GAD2: variants seen among roughly 807,000 people sequenced by gnomAD.
The protein encoded by GAD2 is glutamate decarboxylase 2, also known as 65 kDa glutamic acid decarboxylase.
Under a neutral mutation model 80.1 loss-of-function variants are expected in GAD2, and 22 were observed. The observed-to-expected ratio is 0.27, with a 90% CI of 0.20 to 0.39. GAD2 has a LOEUF of 0.39. Ranked by LOEUF, GAD2 falls within the 10% of genes least tolerant of loss-of-function variation. The pLI is 1.00. For missense variants in GAD2, 624 were observed against 738.4 expected (o/e 0.85, Z 1.80); for synonymous variants, 274 against 256.9 (o/e 1.07, Z -0.64).
chr10:26,286,818 T>TA (rs1845338592), intron 13 of GAD2, among the ~76,000 whole-genome samples: 1 of 152,220 alleles, frequency 6.6e-6, no homozygotes, highest in African/African-American at 2.4e-5. Context: ...ACTTGGTTTT[T>TA]ACCCAGTGAT....
intron 8 of GAD2, among the ~76,000 whole-genome samples, chr10:26,246,843 G>A (rs1844816641): frequency 6.6e-6 from 1 of 152,178 alleles, no homozygotes; most frequent in African/African-American, 2.4e-5. Flanking sequence ...TTTGAACTTT[G>A]AGAAGACCTA....
chr10:26,248,860 A>G (rs1314742165), intron 8 of GAD2, among the ~76,000 whole-genome samples: 1 of 152,218 alleles, frequency 6.6e-6, no homozygotes, highest in Admixed American at 6.5e-5. Context: ...AGCTAAAGTT[A>G]GAATTTAAGC....
chr10:26,271,759 CTCTTTTT>C (rs1466602879), intron 10 of GAD2, among the ~76,000 whole-genome samples: 7 of 151,584 alleles, frequency 4.6e-5, no homozygotes, highest in South Asian at 2.1e-4. Flanking sequence ...CAAATTAATG[CTCTTTTT>C]TTTTTCTTTT....
At chr10:26,231,855 C>T (rs1322761225) in intron 7 of GAD2, among the ~76,000 whole-genome samples, 3 of 152,166 alleles carry the variant, frequency 2.0e-5, no homozygotes, top group Admixed American at 6.5e-5. Context: ...CTTTCTCTCT[C>T]TCTCACCTCT....
chr10:26,304,523 T>G lies in GAD2; in HGVS notation c.*3562T>G, dbSNP rs1271455109. ...ATCCAAGTATTTTATCTGTGTTGTC[T>G]CTCTAAACCCAAATAAATGTGTAAA... On this transcript the variant is annotated 3_prime_UTR_variant, in exon 16 of 16. Transcript: ENST00000376261. 6.6e-6 allele frequency: 1 copy of G among 152,664 alleles called. No individual in the cohort carries two copies. The highest frequency in any genetic ancestry group is 6.5e-5 in the Admixed American group (1 of 15,286). 9.5% of individuals were successfully genotyped at this position (152,664 alleles called of 1,614,324 possible).
At chr10:26,237,282 C>A (rs887109518) in intron 7 of GAD2, among the ~76,000 whole-genome samples, 13 of 152,120 alleles carry the variant, frequency 8.5e-5, no homozygotes, top group African/African-American at 2.9e-4. Context: ...TTATTGTTCT[C>A]CAGGTTAGTG....
rs1357832998 is a variant in GAD2, at chr10:26,270,770, A to C, written c.1092+14A>C. 6.6e-7 allele frequency: 1 copy of C among 1,517,742 alleles called. No homozygotes were observed. Among genetic ancestry groups the C allele is most frequent in the Non-Finnish European group, 9.2e-7 (1 of 1,091,992 alleles). The allele number at this position is 1,517,742 out of a possible 1,614,324, so 94.0% of individuals were successfully genotyped here. The stretch of plus-strand genomic sequence containing the variant: ...ATGCATGTGGATGTAAGTATCCCTT[A>C]GGGACTGGCCACTAAAACGTCCTTG... On this transcript the variant is annotated intron_variant, in intron 10 of 15. Transcript: ENST00000376261.
intron 13 of GAD2, among the ~76,000 whole-genome samples, chr10:26,290,668 A>AAAGC (rs1365374722): frequency 1.3e-5 from 2 of 152,188 alleles, no homozygotes; most frequent in African/African-American, 4.8e-5. Flanking sequence ...AATGTTTATA[A>AAAGC]AAGCATTTCA....
At chr10:26,245,530 C>T (rs1232123653) in intron 7 of GAD2, among the ~76,000 whole-genome samples, 2 of 152,002 alleles carry the variant, frequency 1.3e-5, no homozygotes, top group Middle Eastern at 6.8e-3. Context: ...CTCCGCCTCC[C>T]GAATTCAAGC....
At position 26,292,572 on chromosome 10, in the gene GAD2, G is replaced by T; in HGVS notation, c.1494G>T (p.Lys498Asn). ...GATATGAGATGGTGTTTGATGGGAA[G>T]GTATGTATTTGGATTTCTACAATCT... is the stretch of plus-strand genomic sequence containing the variant. Reference protein sequence around the residue: ...REGYEMVFDGKPQHTNVCFWY... With the variant: ...REGYEMVFDGNPQHTNVCFWY... The change falls in exon 14 of 16, where the codon AAG becomes AAT. Residue 498 changes from lysine to asparagine, a missense_variant and splice_region_variant. Transcript: ENST00000376261. 1 of 1,603,330 alleles carries T rather than the reference G, an allele frequency of 6.2e-7. No homozygotes were observed. Among genetic ancestry groups the T allele is most frequent in the East Asian group, 2.2e-5 (1 of 44,794 alleles).
chr10:26,234,448 C>T (rs1472241136), intron 7 of GAD2, among the ~76,000 whole-genome samples: 1 of 152,104 alleles, frequency 6.6e-6, no homozygotes, highest in South Asian at 2.1e-4. Context: ...GAGCAAGATT[C>T]GAAGCCTCAG....
chr10:26,261,506 A>C (rs925288730), intron 8 of GAD2, among the ~76,000 whole-genome samples: 1 of 152,188 alleles, frequency 6.6e-6, no homozygotes, highest in Non-Finnish European at 1.5e-5. Context: ...AGAACTATCC[A>C]GGTGAAGCTA....
intron 4 of GAD2, among the ~76,000 whole-genome samples, chr10:26,219,537 A>G (rs2132269240): frequency 6.6e-6 from 1 of 152,330 alleles, no homozygotes; most frequent in East Asian, 1.9e-4. Flanking sequence ...ATGTATTTGG[A>G]CACGGAGGTT....
At position 26,222,151 on chromosome 10, in the gene GAD2, T is replaced by C. The variant is rs1589136404; in HGVS notation, c.521-1736T>C. Among the ~76,000 whole-genome samples, 4 of 151,956 alleles carry C rather than the reference T, an allele frequency of 2.6e-5. 1 individual carries two copies. Among genetic ancestry groups the C allele is most frequent in the South Asian group, 4.1e-4 (2 of 4,826 alleles). ...AATGGCAGAGCAAGGTCAAAATATA[T>C]ATAGGGAGGAAGGGAAACCTAGCAA... On this transcript the variant is annotated intron_variant, in intron 4 of 15. Transcript: ENST00000376261.
At chr10:26,221,089 T>C (rs1844446747) in intron 4 of GAD2, among the ~76,000 whole-genome samples, 1 of 152,230 alleles carries the variant, frequency 6.6e-6, no homozygotes, top group South Asian at 2.1e-4. Context: ...TCAAATAGCA[T>C]TTCAAAAAAT....
intron 8 of GAD2, among the ~76,000 whole-genome samples, chr10:26,259,705 C>T (rs1057454616): frequency 6.6e-6 from 1 of 152,024 alleles, no homozygotes; most frequent in African/African-American, 2.4e-5. Flanking sequence ...GTTTTTAATG[C>T]TCATGAAGTC....
chr10:26,234,535 A>T (rs1844646773), intron 7 of GAD2, among the ~76,000 whole-genome samples: 1 of 152,180 alleles, frequency 6.6e-6, no homozygotes, highest in Non-Finnish European at 1.5e-5. Flanking sequence ...TTGAAAAATC[A>T]TTCCTTTGAT....
intron 3 of GAD2, among the ~76,000 whole-genome samples, chr10:26,218,551 T>TCTCACACACACACACACACACACACA (rs748110324): frequency 1.7e-5 from 2 of 118,780 alleles, no homozygotes; most frequent in Non-Finnish European, 3.5e-5. Context: ...TCTCTCTCTC[T>TCTCACACACACACACACACACACACA]CACACACACA....
At chr10:26,240,300 T>C (rs1308001486) in intron 7 of GAD2, among the ~76,000 whole-genome samples, 2 of 152,218 alleles carry the variant, frequency 1.3e-5, no homozygotes, top group African/African-American at 4.8e-5. Context: ...ACGCTCCTTC[T>C]CACTCACTCT....
Sources: gnomAD v4.1 joint callset for allele counts (sites outside exome capture counted in the v4.1 genomes callset) on GRCh38, gnomAD v4.1.1 for gene constraint, MANE v1.5 for transcripts, NCBI Gene and HGNC (gene_info 2026-07-23, HGNC 2026-07-21) for gene names.